SP110: variants seen among roughly 807,000 people sequenced by gnomAD.
The protein encoded by SP110 is SP110 nuclear body protein.
A neutral mutation model predicts 92.7 loss-of-function variants in SP110; 62 were observed. The ratio of observed to expected loss-of-function variants is 0.67; its 90% CI spans 0.55 to 0.83. SP110 has a LOEUF of 0.83. Among genes scored for constraint, SP110 ranks in the 40% least tolerant of loss-of-function variants. The pLI, the probability that SP110 is intolerant of heterozygous loss-of-function variation, is 0.00. For synonymous variants in SP110, 273 were observed against 305.3 expected (o/e 0.89, Z 1.10); for missense variants, 793 against 863.9 (o/e 0.92, Z 1.03).
upstream of SP110, among the ~76,000 whole-genome samples, chr2:230,223,727 T>C (rs1415677421): frequency 6.6e-6 from 1 of 152,246 alleles, no homozygotes. Flanking sequence ...TAGGGGTAAG[T>C]TGGCAAATTA....
At chr2:230,207,751 C>T (rs1036804255) in intron 8 of SP110, among the ~76,000 whole-genome samples, 1 of 152,196 alleles carries the variant, frequency 6.6e-6, no homozygotes, top group Admixed American at 6.5e-5. Flanking sequence ...TGAATCCAAG[C>T]CACCAAGAAC....
intron 12 of SP110, among the ~76,000 whole-genome samples, chr2:230,180,661 T>C (rs1312501745): frequency 6.6e-6 from 1 of 152,162 alleles, no homozygotes; most frequent in South Asian, 2.1e-4. Flanking sequence ...CCAGACCCAG[T>C]ATCTAGCGCT....
intron 10 of SP110, among the ~76,000 whole-genome samples, chr2:230,190,372 T>C (rs547962114): frequency 6.6e-6 from 1 of 152,224 alleles, no homozygotes; most frequent in Non-Finnish European, 1.5e-5. Flanking sequence ...AAGTGTCTGT[T>C]CATATCCTTT....
intron 6 of SP110, among the ~76,000 whole-genome samples, chr2:230,210,482 C>T (rs963381490): frequency 1.3e-5 from 2 of 152,144 alleles, no homozygotes; most frequent in Non-Finnish European, 2.9e-5. Context: ...ATTGCTTTGA[C>T]GTCTATGTGT....
upstream of SP110, chr2:230,221,756 C>T: frequency 6.5e-7 from 1 of 1,535,004 alleles, no homozygotes; most frequent in Non-Finnish European, 8.7e-7. Flanking sequence ...ATCTGAGGAT[C>T]CTGGCAGCAA....
rs752196930 is a variant in SP110, at chr2:230,172,111, A to G, written c.1770T>C (p.His590=). ...KRSSGSQQCH[H]VSKTLERQMQ... is the part of the protein sequence containing the mutation. ...TCTGCCTCTCCAGGGTCTTAGATACATGATGGCACTGTTGGCTTCCTGAAG... is the reference window on the plus strand; with the variant it reads ...TCTGCCTCTCCAGGGTCTTAGATACGTGATGGCACTGTTGGCTTCCTGAAG... The change falls in exon 16 of 19, where the codon CAT becomes CAC. Residue 590 remains histidine, a synonymous_variant. Coordinates refer to ENST00000258381, the MANE Select transcript of SP110 (RefSeq NM_080424.4). The G allele has an allele frequency of 3.7e-6, 6 of 1,613,744 alleles. No homozygotes were observed. The East Asian group carries it at 1.3e-4, about 36-fold the overall frequency.
intron 18 of SP110, 117 bp downstream of exon 18, chr2:230,170,504 G>C (rs2078408457): frequency 4.8e-6 from 6 of 1,247,324 alleles, no homozygotes; most frequent in Middle Eastern, 1.9e-4. Context: ...TGTAATCCTT[G>C]TCTTGTTTGA....
intron 1 of SP110, among the ~76,000 whole-genome samples, chr2:230,217,410 GACAAT>G (rs1398255260): frequency 6.6e-6 from 1 of 152,102 alleles, no homozygotes; most frequent in African/African-American, 2.4e-5. Context: ...AGGAAACAAG[GACAAT>G]TCCCAGCAAC....
In SP110 at chr2:230,212,922, G is replaced by C; in HGVS notation, c.422C>G (p.Pro141Arg). 1 of 1,614,046 alleles carries C rather than the reference G, an allele frequency of 6.2e-7. No individual in the cohort carries two copies. The highest frequency in any genetic ancestry group is 8.5e-7 in the Non-Finnish European group (1 of 1,179,988). Residue 141 changes from proline (P) to arginine (R), a missense_variant, in exon 4 of 19, where the codon CCA becomes CGA. By Grantham distance (103) the Pro-to-Arg change is moderately radical (BLOSUM62 -2). Coordinates refer to ENST00000258381, the MANE Select transcript of SP110 (RefSeq NM_080424.4). Reference sequence around the variant, plus strand: ...ACAGCTTGGTTGAGGGGGTTGTGGTGGGGGCAGCGCCAGTGGGGTATGGAG... The same window carrying C: ...ACAGCTTGGTTGAGGGGGTTGTGGTCGGGGCAGCGCCAGTGGGGTATGGAG... ...SSLHTPLALP[P>R]PQPPQPSCSP... is the part of the protein sequence containing the mutation.
intron 11 of SP110, 127 bp downstream of exon 11, chr2:230,185,867 T>C (rs963823046): frequency 3.6e-5 from 31 of 861,616 alleles, no homozygotes; most frequent in South Asian, 2.1e-4. Flanking sequence ...TCTGTCTTCA[T>C]GTCCCTCTTT....
intron 10 of SP110, among the ~76,000 whole-genome samples, chr2:230,189,869 G>A (rs1226876357): frequency 6.6e-6 from 1 of 152,142 alleles, no homozygotes; most frequent in East Asian, 1.9e-4. Flanking sequence ...CAAAGGACAT[G>A]ATCTTATTAC....
In SP110 at chr2:230,225,520, A is replaced by T. The variant is rs116521655; in HGVS notation, c.-64+15T>A. 4.2e-3 allele frequency: 1,703 copies of T among 408,562 alleles called. 19 individuals are homozygous for T. The highest frequency in any genetic ancestry group is 0.031 in the African/African-American group (1,538 of 48,868). The allele number at this position is 408,562 out of a possible 1,614,324, so 25.3% of individuals were successfully genotyped here. A position where few individuals can be genotyped will look rare whatever the true frequency, so the allele number is the denominator to read the frequency against. ...CAAATACAGAGTTTACTTCCTCCTC[A>T]TGATGCCACCTTACCTCAAAACAAC... On this transcript the variant is annotated intron_variant, in intron 1 of 15. Transcript: ENST00000540870.
At chr2:230,213,805 C>T (rs895203367) in intron 3 of SP110, 2 of 152,448 alleles carry the variant, frequency 1.3e-5, no homozygotes, top group African/African-American at 4.8e-5. Context: ...CCCCATGGTT[C>T]TCAGATGTTC....
chr2:230,169,148 G>A lies in SP110; in HGVS notation c.2118C>T (p.Asp706=), dbSNP rs115945163. Residue 706 remains aspartate, a synonymous_variant, in exon 19 of 19, where the codon GAC becomes GAT. Transcript: ENST00000258381. ...GTCAAGGAAGAGTCCAGAAACCGCC[G>A]TCATTGGCTTCATGAAAACCGAGCA... ...KDVLGFHEAN[D]GGFWTLP 117 of 1,612,920 alleles carry A rather than the reference G, an allele frequency of 7.3e-5. No homozygotes were observed. In the East Asian group the frequency reaches 1.5e-3, roughly 21 times the overall value.
chr2:230,184,650 AT>A (rs2042274301), intron 11 of SP110, among the ~76,000 whole-genome samples: 1 of 152,114 alleles, frequency 6.6e-6, no homozygotes, highest in Non-Finnish European at 1.5e-5. Context: ...CAGAAACCAA[AT>A]CAGAAAAACT....
At chr2:230,184,702 C>CG (rs1553846171) in intron 11 of SP110, among the ~76,000 whole-genome samples, 1 of 151,260 alleles carries the variant, frequency 6.6e-6, no homozygotes, top group African/African-American at 2.4e-5. Flanking sequence ...ACGGATTTAA[C>CG]AAAAAAAAAT....
intron 10 of SP110, among the ~76,000 whole-genome samples, chr2:230,188,212 T>G (rs2042445165): frequency 6.6e-6 from 1 of 152,200 alleles, no homozygotes; most frequent in South Asian, 2.1e-4. Flanking sequence ...TCTCCTTGGA[T>G]AAGTATATTC....
At chr2:230,218,963 G>A (rs1347766241) in intron 1 of SP110, among the ~76,000 whole-genome samples, 6 of 152,220 alleles carry the variant, frequency 3.9e-5, no homozygotes, top group Admixed American at 3.3e-4. Flanking sequence ...GGTGGCTCAT[G>A]CCTGTAATCC....
At chr2:230,209,826 G>A (rs2044273512) in intron 7 of SP110, 105 bp downstream of exon 7, 2 of 782,718 alleles carry the variant, frequency 2.6e-6, no homozygotes, top group Non-Finnish European at 4.7e-6. Flanking sequence ...TGTGGCATCA[G>A]GACTGTGGTC....
Sources: allele counts gnomAD v4.1 joint callset (sites outside exome capture counted in the v4.1 genomes callset), GRCh38; gene constraint gnomAD v4.1.1; transcripts MANE v1.5; gene names NCBI Gene and HGNC (gene_info 2026-07-23, HGNC 2026-07-21).